The following ABCA12 variants were observed in gnomAD, a reference collection of about 807,000 sequenced individuals.
ABCA12 encodes the protein glucosylceramide transporter ABCA12.
Under a neutral mutation model 293.5 loss-of-function variants are expected in ABCA12, and 156 were observed. The ratio of observed to expected loss-of-function variants is 0.53; its 90% confidence interval spans 0.47 to 0.61. The LOEUF (loss-of-function observed/expected upper bound fraction) is 0.61, where lower values mean the gene tolerates loss of function less well. ABCA12 is among the 20% of genes least tolerant of loss of function. ABCA12 has a pLI of 0.00. For missense variants in ABCA12, 2,797 were observed against 3,090.2 expected (o/e 0.91, Z 2.25); for synonymous variants, 1,063 against 1,108.0 (o/e 0.96, Z 0.81).
At chr2:215,062,530 A>G (rs1012456306) in intron 3 of ABCA12, among the ~76,000 whole-genome samples, 1 of 151,938 alleles carries the variant, frequency 6.6e-6, no homozygotes, top group Admixed American at 6.6e-5. Context: ...CTTTTCTTTC[A>G]TGATCAATTC....
At position 214,959,120 on chromosome 2, in the gene ABCA12, A is replaced by C. The variant is rs1249804338; in HGVS notation, c.5885-42T>G. On this transcript the variant is annotated intron_variant, in intron 39 of 52. Coordinates refer to ENST00000272895, the MANE Select transcript of ABCA12 (RefSeq NM_173076.3). ...TTCTTCTATTAGTAGGTATTCAGTT[A>C]ATCAGAAATACCAATTTTTAGATGA... 6 of 1,494,938 alleles carry C rather than the reference A, an allele frequency of 4.0e-6. No individual in the cohort carries two copies. The South Asian group carries it at 6.8e-5, about 17-fold the overall frequency. 92.6% of individuals were successfully genotyped at this position (1,494,938 alleles called of 1,614,324 possible). A position where few individuals can be genotyped will look rare whatever the true frequency, so the allele number is the denominator to read the frequency against.
chr2:214,984,342 C>T (rs1466715382), intron 28 of ABCA12, among the ~76,000 whole-genome samples: 4 of 152,166 alleles, frequency 2.6e-5, no homozygotes, highest in South Asian at 2.1e-4. Flanking sequence ...GTGATCCACA[C>T]GCCTTGGCCT....
rs75968735 is a variant in ABCA12, at chr2:215,079,737, G to A, written c.164-15518C>T. Among the ~76,000 whole-genome samples the A allele has an allele frequency of 7.5e-3, 1,140 of 152,162 alleles. 14 individuals carry two copies. Among genetic ancestry groups the A allele is most frequent in the African/African-American group, 0.026 (1,087 of 41,516 alleles). ...CTCTTTTAATTTTTCCTTTTGGTGAGGTTGTACAGTTTTTAATCTTGCGTT... is the reference window on the plus strand; with the variant it reads ...CTCTTTTAATTTTTCCTTTTGGTGAAGTTGTACAGTTTTTAATCTTGCGTT... On this transcript the variant is annotated intron_variant, in intron 2 of 52. Transcript: ENST00000272895.
intron 2 of ABCA12, among the ~76,000 whole-genome samples, chr2:215,068,537 C>T (rs1361074978): frequency 6.6e-6 from 1 of 152,058 alleles, no homozygotes; most frequent in African/African-American, 2.4e-5. Flanking sequence ...AGGCATCTCC[C>T]TCCTTCCCCT....
intron 33 of ABCA12, among the ~76,000 whole-genome samples, chr2:214,977,993 A>G (rs1244444447): frequency 6.6e-6 from 1 of 152,018 alleles, no homozygotes; most frequent in Non-Finnish European, 1.5e-5. Flanking sequence ...CCCGATTACA[A>G]GAAGAATTTT....
intron 22 of ABCA12, among the ~76,000 whole-genome samples, chr2:214,999,520 G>A (rs1700099342): frequency 6.6e-6 from 1 of 152,184 alleles, no homozygotes; most frequent in Non-Finnish European, 1.5e-5. Context: ...ATATGCAACA[G>A]TGTATATGTG....
chr2:215,095,443 C>G (rs561711401), intron 2 of ABCA12, among the ~76,000 whole-genome samples: 1 of 152,238 alleles, frequency 6.6e-6, no homozygotes, highest in Non-Finnish European at 1.5e-5. Flanking sequence ...TTCTATACGA[C>G]AAATGCTCCT....
At chr2:215,062,429 G>A (rs146938817) in intron 3 of ABCA12, among the ~76,000 whole-genome samples, 123 of 152,038 alleles carry the variant, frequency 8.1e-4, no homozygotes, top group Non-Finnish European at 1.3e-3. Flanking sequence ...GAACTGTGCC[G>A]TTCTCATAGA....
At position 215,001,700 on chromosome 2, in the gene ABCA12, G is replaced by A. The variant is rs1401622372; in HGVS notation, c.2721C>T (p.Ile907=). ...AAGATAGTGTGTTAAGCTGATCGAT[G>A]ATGTCAATGTTGTTCTCTAATTTCA... ...LRLKLENNID[I]IDQLNTLSSL... The change falls in exon 21 of 53, where the codon ATC becomes ATT. Residue 907 remains isoleucine, a synonymous_variant. Coordinates refer to ENST00000272895, the MANE Select transcript of ABCA12 (RefSeq NM_173076.3). The A allele has an allele frequency of 6.2e-7, 1 of 1,613,450 alleles. No individual in the cohort carries two copies. Among genetic ancestry groups the A allele is most frequent in the Non-Finnish European group, 8.5e-7 (1 of 1,179,756 alleles).
chr2:215,084,203 GT>G (rs1168153328), intron 2 of ABCA12, among the ~76,000 whole-genome samples: 2 of 152,028 alleles, frequency 1.3e-5, no homozygotes, highest in African/African-American at 2.4e-5. Context: ...GCCCAGGCTG[GT>G]CCCAAACTCC....
intron 2 of ABCA12, among the ~76,000 whole-genome samples, chr2:215,100,865 G>A (rs1222896927): frequency 1.3e-5 from 2 of 152,174 alleles, no homozygotes; most frequent in African/African-American, 2.4e-5. Flanking sequence ...TAAATGCAGT[G>A]TTATAAAGCT....
intron 2 of ABCA12, among the ~76,000 whole-genome samples, chr2:215,110,006 T>C (rs1702538095): frequency 6.6e-6 from 1 of 152,218 alleles, no homozygotes; most frequent in South Asian, 2.1e-4. Context: ...ACTTAAGATA[T>C]GTAGAAATAT....
chr2:214,947,809 G>A, intron 47 of ABCA12: 1 of 479,784 alleles, frequency 2.1e-6, no homozygotes, highest in Admixed American at 3.3e-5. Context: ...ACGTGTGTGT[G>A]TGTTTACAAT....
In ABCA12 at chr2:214,950,974, A is replaced by C. The variant is rs1367934605; in HGVS notation, c.6757T>G (p.Leu2253Val). ...RVESGAAEFDLVQLYCLTKTY... is the reference protein window; with the variant it reads ...RVESGAAEFDVVQLYCLTKTY... ...TTTGTGAGACAATAAAGTTGGACCAAGTCAAATTCAGCTGCACCACTCTCA... is the reference window on the plus strand; with the variant it reads ...TTTGTGAGACAATAAAGTTGGACCACGTCAAATTCAGCTGCACCACTCTCA... The change falls in exon 45 of 53, where the codon TTG becomes GTG. Residue 2253 changes from leucine (L) to valine (V), a missense_variant. Coordinates refer to ENST00000272895, the MANE Select transcript of ABCA12 (RefSeq NM_173076.3). 3 of 1,614,166 alleles carry C rather than the reference A, an allele frequency of 1.9e-6. No individual in the cohort carries two copies. In the Admixed American group the frequency reaches 5.0e-5, roughly 27 times the overall value.
intron 1 of ABCA12, among the ~76,000 whole-genome samples, chr2:215,113,272 G>A (rs143850020): frequency 7.2e-5 from 11 of 152,326 alleles, no homozygotes; most frequent in South Asian, 2.1e-4. Context: ...CTTCTTAGAC[G>A]TTGGGTATAA....
At chr2:215,057,392 C>T (rs571354320) in intron 3 of ABCA12, among the ~76,000 whole-genome samples, 1 of 152,096 alleles carries the variant, frequency 6.6e-6, no homozygotes, top group African/African-American at 2.4e-5. Flanking sequence ...CAACCTTCAC[C>T]ATCAATATGG....
Position 214,975,949 on chromosome 2 carries a change from G to A in ABCA12, c.5217C>T (p.His1739=). The change falls in exon 34 of 53, where the codon CAC becomes CAT. Residue 1739 remains histidine, a synonymous_variant. Transcript: ENST00000272895. ...TGAGACCTTTCCAGTTCCTGCGGGTGTGGTGGAACCTCTTGATGAGTATAG... is the reference window on the plus strand; with the variant it reads ...TGAGACCTTTCCAGTTCCTGCGGGTATGGTGGAACCTCTTGATGAGTATAG... ...IMAILIKRFH[H]TRRNWKGLIA... The A allele has an allele frequency of 6.2e-7, 1 of 1,614,142 alleles. No individual in the cohort carries two copies. Among genetic ancestry groups the A allele is most frequent in the Non-Finnish European group, 8.5e-7 (1 of 1,179,988 alleles).
Position 214,978,269 on chromosome 2 carries a change from T to C in ABCA12, c.5128+47A>G, listed in dbSNP as rs78349067. 397 of 1,608,712 alleles carry C rather than the reference T, an allele frequency of 2.5e-4. 1 individual carries two copies. The highest frequency in any genetic ancestry group is 3.1e-4 in the Non-Finnish European group (362 of 1,175,448). On this transcript the variant is annotated intron_variant, in intron 33 of 52. Transcript: ENST00000272895. ...AAGTCTGTCTGTGATTTTTCTCATT[T>C]ATGTCATCCATTGGAATTAAACAAA...
chr2:214,971,541 C>G (rs1177129797), intron 36 of ABCA12, among the ~76,000 whole-genome samples: 1 of 152,118 alleles, frequency 6.6e-6, no homozygotes, highest in African/African-American at 2.4e-5. Context: ...GTAACAGACA[C>G]AGCGTAGTTT....
Sources: allele counts gnomAD v4.1 joint callset (sites outside exome capture counted in the v4.1 genomes callset), GRCh38; gene constraint gnomAD v4.1.1; transcripts MANE v1.5; gene names NCBI Gene and HGNC (gene_info 2026-07-23, HGNC 2026-07-21).